The following CCDC141 variants were observed in gnomAD, a reference collection of about 807,000 sequenced individuals.
CCDC141 encodes coiled-coil domain-containing protein 141.
In CCDC141, 168 loss-of-function variants were observed where a neutral mutation model predicts 181.0. That is an observed-to-expected ratio of 0.93 (90% CI 0.82 to 1.05). CCDC141 has a LOEUF of 1.05. Ranked by LOEUF, CCDC141 falls within the 50% of genes least tolerant of loss-of-function variation. The probability of loss-of-function intolerance (pLI) is 0.00; values close to 1 mark genes in which losing one functional copy is unlikely to be tolerated. For missense variants in CCDC141, 1,902 were observed against 1,788.5 expected (o/e 1.06, Z -1.14); for synonymous variants, 666 against 642.3 (o/e 1.04, Z -0.56).
intron 7 of CCDC141, among the ~76,000 whole-genome samples, chr2:178,909,812 G>A (rs961422941): frequency 2.6e-5 from 4 of 152,146 alleles, no homozygotes; most frequent in African/African-American, 9.7e-5. Flanking sequence ...TGACCCCCAT[G>A]TAAACTCCTT....
intron 21 of CCDC141, among the ~76,000 whole-genome samples, chr2:178,849,575 T>C (rs940097089): frequency 6.6e-6 from 1 of 152,256 alleles, no homozygotes; most frequent in African/African-American, 2.4e-5. Context: ...CCATCAAATT[T>C]GTATTCTACG....
At chr2:178,896,484 A>C (rs574251439) in intron 8 of CCDC141, among the ~76,000 whole-genome samples, 1 of 152,280 alleles carries the variant, frequency 6.6e-6, no homozygotes, top group East Asian at 1.9e-4. Context: ...TCATATGTAC[A>C]TTTGATAACT....
chr2:178,856,522 TTCCC>T, intron 17 of CCDC141, 125 bp from the exon 18 acceptor site: 1 of 554,206 alleles, frequency 1.8e-6, no homozygotes, highest in Non-Finnish European at 2.8e-6. Context: ...TAGGGTAATT[TTCCC>T]TCCCTCCCTC....
intron 10 of CCDC141, among the ~76,000 whole-genome samples, chr2:178,885,455 CCTAAA>C (rs1234905619): frequency 1.3e-5 from 2 of 152,014 alleles, no homozygotes; most frequent in African/African-American, 4.8e-5. Flanking sequence ...CCAGCAAATT[CCTAAA>C]CTAATTTTAT....
chr2:179,041,491 G>GTTTTTT (rs35229059), intron 2 of CCDC141, among the ~76,000 whole-genome samples: 17 of 58,868 alleles, frequency 2.9e-4, no homozygotes, highest in African/African-American at 3.6e-4. Context: ...TTGGTTGTGG[G>GTTTTTT]TTTTTTTTTT....
intron 17 of CCDC141, among the ~76,000 whole-genome samples, chr2:178,858,364 T>C (rs559132587): frequency 6.6e-6 from 1 of 152,168 alleles, no homozygotes; most frequent in Non-Finnish European, 1.5e-5. Flanking sequence ...TTTTATAAGA[T>C]TGAGATATAA....
Position 178,836,996 on chromosome 2 carries a change from G to T in CCDC141, c.4223C>A (p.Ala1408Glu), listed in dbSNP as rs1169586993. Residue 1408 changes from alanine (A) to glutamate (E), a missense_variant, in exon 23 of 24, where the codon GCA (alanine) becomes GAA (glutamate). Ala to Glu is a moderately radical substitution (Grantham distance 107). Coordinates refer to ENST00000443758, the MANE Select transcript of CCDC141 (RefSeq NM_173648.4). Reference protein sequence around the residue: ...KSSVVSLADQAPNFSRLLSNV... With the variant: ...KSSVVSLADQEPNFSRLLSNV... ...AGACAGGAGCCTGGAGAAATTAGGTGCCTGGTCAGCTAGGCTGACCACGCT... is the reference window on the plus strand; with the variant it reads ...AGACAGGAGCCTGGAGAAATTAGGTTCCTGGTCAGCTAGGCTGACCACGCT... 4.3e-6 allele frequency: 7 copies of T among 1,613,972 alleles called. No homozygotes were observed. The highest frequency in any genetic ancestry group is 5.9e-6 in the Non-Finnish European group (7 of 1,179,960).
At chr2:179,025,060 C>A (rs999921952) in intron 2 of CCDC141, among the ~76,000 whole-genome samples, 1 of 151,922 alleles carries the variant, frequency 6.6e-6, no homozygotes, top group Non-Finnish European at 1.5e-5. Context: ...CTTCCTTCCT[C>A]TTCTCTACTG....
At chr2:178,923,173 C>T (rs956517994) in intron 6 of CCDC141, among the ~76,000 whole-genome samples, 1 of 146,128 alleles carries the variant, frequency 6.8e-6, no homozygotes, top group African/African-American at 2.6e-5. Flanking sequence ...GGCGGGATCT[C>T]GGCTCACTGC....
At chr2:178,881,949 A>T (rs1157223209) in intron 11 of CCDC141, among the ~76,000 whole-genome samples, 37 of 151,114 alleles carry the variant, frequency 2.4e-4, no homozygotes, top group African/African-American at 8.8e-4. Flanking sequence ...ACACACACAC[A>T]CACACACACA....
intron 17 of CCDC141, among the ~76,000 whole-genome samples, chr2:178,863,758 TA>T (rs1357341554): frequency 6.6e-6 from 1 of 152,194 alleles, no homozygotes; most frequent in Non-Finnish European, 1.5e-5. Flanking sequence ...TGTGAAATTG[TA>T]AGTTACATGA....
chr2:179,010,517 TTA>T, intron 2 of CCDC141, among the ~76,000 whole-genome samples: 1 of 152,166 alleles, frequency 6.6e-6, no homozygotes, highest in South Asian at 2.1e-4. Flanking sequence ...CACAAAACAA[TTA>T]TCAGCCAAGA....
At chr2:178,859,243 A>G (rs1449917502) in intron 17 of CCDC141, among the ~76,000 whole-genome samples, 1 of 152,206 alleles carries the variant, frequency 6.6e-6, no homozygotes, top group Non-Finnish European at 1.5e-5. Flanking sequence ...AGTGGAAGGC[A>G]GTATGCATGA....
At chr2:178,943,642 TC>T (rs1689611048) in intron 6 of CCDC141, among the ~76,000 whole-genome samples, 1 of 152,114 alleles carries the variant, frequency 6.6e-6, no homozygotes, top group Non-Finnish European at 1.5e-5. Flanking sequence ...TATACAAAGT[TC>T]CCTAAATCTT....
chr2:179,015,197 A>T (rs56371643), intron 2 of CCDC141, among the ~76,000 whole-genome samples: 1 of 21,366 alleles, frequency 4.7e-5, no homozygotes, highest in Admixed American at 6.8e-4. Flanking sequence ...TCATCTCATA[A>T]ATATCATATA....
At chr2:178,822,161 A>G in the CCDC141 span, among the ~76,000 whole-genome samples, 1 of 152,004 alleles carries the variant, frequency 6.6e-6, no homozygotes, top group South Asian at 2.1e-4. Context: ...GCAAGGACAA[A>G]AAACCAAACA....
At chr2:178,993,424 C>T (rs1692146079) in intron 2 of CCDC141, among the ~76,000 whole-genome samples, 1 of 152,094 alleles carries the variant, frequency 6.6e-6, no homozygotes, top group Non-Finnish European at 1.5e-5. Flanking sequence ...TACGGAAACT[C>T]CCATTTTTAA....
Position 178,901,435 on chromosome 2 carries a change from T to C in CCDC141, c.1265+3894A>G, listed in dbSNP as rs368482258. Among the ~76,000 whole-genome samples, 10 of 152,210 alleles carry C rather than the reference T, an allele frequency of 6.6e-5. No homozygotes were observed. The South Asian group carries it at 2.1e-3, about 32-fold the overall frequency. On this transcript the variant is annotated intron_variant, in intron 8 of 23. Transcript: ENST00000443758. ...GATCAAGTGGGCTTCATCCCTGGGATGCAAGGCTGGTTCAATATACGCAAA... is the reference window on the plus strand; with the variant it reads ...GATCAAGTGGGCTTCATCCCTGGGACGCAAGGCTGGTTCAATATACGCAAA...
intron 6 of CCDC141, among the ~76,000 whole-genome samples, chr2:178,934,504 G>A (rs1457714764): frequency 2.0e-5 from 3 of 151,896 alleles, no homozygotes; most frequent in Non-Finnish European, 4.4e-5. Context: ...ATATGCAAAA[G>A]AAAAAAGAAT....
Sources: gnomAD v4.1 joint callset for allele counts (sites outside exome capture counted in the v4.1 genomes callset) on GRCh38, gnomAD v4.1.1 for gene constraint, MANE v1.5 for transcripts, NCBI Gene and HGNC (gene_info 2026-07-23, HGNC 2026-07-21) for gene names.